SRGAP3: variants seen among roughly 807,000 people sequenced by gnomAD.
SRGAP3 encodes the protein SLIT-ROBO Rho GTPase-activating protein 3.
A neutral mutation model predicts 121.1 loss-of-function variants in SRGAP3; 39 were observed. The observed-to-expected ratio is 0.32, with a 90% CI of 0.25 to 0.42. The LOEUF is 0.42. Among genes scored for constraint, SRGAP3 ranks in the 10% least tolerant of loss-of-function variants. The pLI is 1.00. For synonymous variants in SRGAP3, 601 were observed against 570.0 expected, an observed-to-expected ratio of 1.05 and a Z score of -0.77; for missense variants, 1,213 against 1,470.6, an observed-to-expected ratio of 0.82 and a Z score of 2.86.
At chr3:9,184,337 A>C (rs1042585901) in intron 1 of SRGAP3, among the ~76,000 whole-genome samples, 3 of 152,186 alleles carry the variant, frequency 2.0e-5, no homozygotes, top group African/African-American at 7.2e-5. Flanking sequence ...ACTTTGCATC[A>C]GACTGAATTT....
intron 18 of SRGAP3, among the ~76,000 whole-genome samples, chr3:9,000,240 C>A (rs368606399): frequency 9.0e-4 from 137 of 152,356 alleles, no homozygotes; most frequent in African/African-American, 3.2e-3. Context: ...CATTCTTTCA[C>A]ACAACCCCTA....
chr3:9,036,932 C>T (rs1336587141), intron 11 of SRGAP3: 1 of 152,230 alleles, frequency 6.6e-6, no homozygotes, highest in African/African-American at 2.4e-5. Flanking sequence ...TGTGAATCAT[C>T]CTGATGTTTC....
At chr3:9,271,609 G>A (rs1238111421) in intron 3 of SRGAP3, among the ~76,000 whole-genome samples, 1 of 151,970 alleles carries the variant, frequency 6.6e-6, no homozygotes, top group African/African-American at 2.4e-5. Flanking sequence ...TTGCTGAGAG[G>A]TGTCTCATAA....
At chr3:9,096,980 TACACATACACACAC>T (rs1560138964) in intron 3 of SRGAP3, among the ~76,000 whole-genome samples, 188 of 70,676 alleles carry the variant, frequency 2.7e-3, no homozygotes, top group Non-Finnish European at 3.9e-3. Context: ...TATATATATA[TACACATACACACAC>T]ATATATATAT....
intron 3 of SRGAP3, among the ~76,000 whole-genome samples, chr3:9,305,971 T>G (rs981967149): frequency 5.9e-5 from 9 of 152,228 alleles, no homozygotes; most frequent in African/African-American, 1.9e-4. Flanking sequence ...TCTAGATCCT[T>G]GAGGAATCAC....
At chr3:9,115,752 A>G (rs971190485) in intron 2 of SRGAP3, among the ~76,000 whole-genome samples, 1 of 152,186 alleles carries the variant, frequency 6.6e-6, no homozygotes, top group Non-Finnish European at 1.5e-5. Context: ...GATTTTTGCC[A>G]TTCCTGCACA....
chr3:9,110,403 C>A (rs1948578302), intron 2 of SRGAP3, among the ~76,000 whole-genome samples: 1 of 152,206 alleles, frequency 6.6e-6, no homozygotes, highest in African/African-American at 2.4e-5. Flanking sequence ...TGGAAGCCAG[C>A]AGCAAGGAGT....
chr3:9,257,698 CTTT>C (rs386395913), intron 3 of SRGAP3, among the ~76,000 whole-genome samples: 72 of 73,228 alleles, frequency 9.8e-4, no homozygotes, highest in African/African-American at 2.5e-3. Context: ...AAAATAGCTC[CTTT>C]TTTTTTTTTT....
At chr3:9,118,158 A>T (rs1948872322) in intron 2 of SRGAP3, among the ~76,000 whole-genome samples, 1 of 152,114 alleles carries the variant, frequency 6.6e-6, no homozygotes, top group South Asian at 2.1e-4. Flanking sequence ...GTAAATAAAT[A>T]AATAGGGAGA....
intron 1 of SRGAP3, among the ~76,000 whole-genome samples, chr3:9,160,293 T>C (rs1009872087): frequency 3.3e-5 from 5 of 152,224 alleles, no homozygotes; most frequent in Non-Finnish European, 7.3e-5. Context: ...ATTTAGTGAC[T>C]TGCTTCCAAA....
intron 3 of SRGAP3, among the ~76,000 whole-genome samples, chr3:9,100,076 G>A (rs1283551344): frequency 2.0e-5 from 3 of 152,216 alleles, no homozygotes; most frequent in African/African-American, 4.8e-5. Flanking sequence ...ACACAAAATC[G>A]TGATTTTGGG....
intron 1 of SRGAP3, among the ~76,000 whole-genome samples, chr3:9,185,591 G>A (rs999951116): frequency 4.0e-5 from 6 of 151,872 alleles, no homozygotes; most frequent in African/African-American, 1.5e-4. Context: ...GAGTGCAGTG[G>A]CAAGATTATA....
chr3:9,286,442 C>T (rs890340427), intron 3 of SRGAP3, among the ~76,000 whole-genome samples: 4 of 151,866 alleles, frequency 2.6e-5, no homozygotes, highest in Admixed American at 2.6e-4. Flanking sequence ...GGGAGGATCA[C>T]TTGAGACCAG....
At position 9,038,210 on chromosome 3, in the gene SRGAP3, A is replaced by T. The variant is rs1433932295; in HGVS notation, c.1409-120T>A. The T allele has an allele frequency of 5.8e-6, 8 of 1,371,814 alleles. No individual in the cohort carries two copies. The Admixed American group carries it at 1.5e-4, about 26-fold the overall frequency. The allele number at this position is 1,371,814 out of a possible 1,614,324, so 85.0% of individuals were successfully genotyped here. On this transcript the variant is annotated intron_variant, in intron 10 of 21. Transcript: ENST00000383836. ...AATTATTTATGAAATATGAAATCTA[A>T]TTATGCCTAAGGTGCGGTCTGTTGA...
At chr3:9,087,835 G>A (rs1211902894) in intron 3 of SRGAP3, among the ~76,000 whole-genome samples, 1 of 152,124 alleles carries the variant, frequency 6.6e-6, no homozygotes, top group East Asian at 1.9e-4. Context: ...ATGAATGGGA[G>A]GAGCTGGAGA....
chr3:9,144,290 T>C (rs1399289781), intron 1 of SRGAP3, among the ~76,000 whole-genome samples: 1 of 152,230 alleles, frequency 6.6e-6, no homozygotes, highest in Non-Finnish European at 1.5e-5. Context: ...CATAGCTCCA[T>C]CTTGTCCCAT....
At chr3:9,334,718 G>C (rs1485073916) in intron 1 of SRGAP3, among the ~76,000 whole-genome samples, 8 of 152,184 alleles carry the variant, frequency 5.3e-5, no homozygotes, top group Non-Finnish European at 1.0e-4. Flanking sequence ...GGCCTCAGGA[G>C]ACTGACAGTC....
At chr3:9,042,271 G>C (rs1945055378) in intron 10 of SRGAP3, among the ~76,000 whole-genome samples, 1 of 151,914 alleles carries the variant, frequency 6.6e-6, no homozygotes, top group East Asian at 1.9e-4. Flanking sequence ...TCAAAATCTG[G>C]TGTTCATTTT....
chr3:9,286,365 C>T (rs1413032838), intron 3 of SRGAP3, among the ~76,000 whole-genome samples: 1 of 151,566 alleles, frequency 6.6e-6, no homozygotes, highest in Non-Finnish European at 1.5e-5. Flanking sequence ...GGATACATAC[C>T]AAAATCCAAG....
Sources: allele counts gnomAD v4.1 joint callset (sites outside exome capture counted in the v4.1 genomes callset), GRCh38; gene constraint gnomAD v4.1.1; transcripts MANE v1.5; gene names NCBI Gene and HGNC (gene_info 2026-07-23, HGNC 2026-07-21).